Variants in NALCN observed in about 807,000 individuals in gnomAD.
The protein encoded by NALCN is sodium leak channel, non-selective.
In NALCN, 111 loss-of-function variants were observed where a neutral mutation model predicts 225.3. The ratio of observed to expected loss-of-function variants is 0.49; its 90% CI spans 0.42 to 0.58. The LOEUF is 0.58. Ranked by LOEUF, NALCN falls within the 20% of genes least tolerant of loss-of-function variation. NALCN has a pLI of 0.00. For synonymous variants in NALCN, 764 were observed against 769.0 expected, an observed-to-expected ratio of 0.99 and a Z score of 0.11; for missense variants, 1,378 against 2,202.4, an observed-to-expected ratio of 0.63 and a Z score of 7.49.
intron 30 of NALCN, among the ~76,000 whole-genome samples, chr13:101,085,872 A>T (rs2033905225): frequency 1.3e-5 from 2 of 152,150 alleles, no homozygotes; most frequent in Non-Finnish European, 2.9e-5. Flanking sequence ...TTACATCAAT[A>T]CAATCAATAC....
chr13:101,141,755 A>C (rs2037089424), intron 17 of NALCN, among the ~76,000 whole-genome samples: 1 of 152,154 alleles, frequency 6.6e-6, no homozygotes, highest in African/African-American at 2.4e-5. Context: ...GAAGGGAAAG[A>C]AAGCGGAGAG....
At chr13:101,134,527 CATA>C (rs1035175338) in intron 17 of NALCN, among the ~76,000 whole-genome samples, 4 of 152,154 alleles carry the variant, frequency 2.6e-5, no homozygotes, top group African/African-American at 7.2e-5. Flanking sequence ...GAATTAATTT[CATA>C]ATATTAAAGT....
Position 101,378,553 on chromosome 13 carries a change from A to G in NALCN, c.375+17T>C, listed in dbSNP as rs760148304. 4 of 1,581,770 alleles carry G rather than the reference A, an allele frequency of 2.5e-6. No individual in the cohort carries two copies. In the African/African-American group the frequency reaches 4.1e-5, roughly 16 times the overall value. Reference sequence around the variant, plus strand: ...TTTGGAGAATACCTGCTTGTAATTTAAAAAATATTTAATTACCTGTAGCAC... The same window carrying G: ...TTTGGAGAATACCTGCTTGTAATTTGAAAAATATTTAATTACCTGTAGCAC... On this transcript the variant is annotated intron_variant, in intron 4 of 43. Transcript: ENST00000251127.
intron 7 of NALCN, among the ~76,000 whole-genome samples, chr13:101,300,080 A>G (rs1055270117): frequency 6.6e-6 from 1 of 152,138 alleles, no homozygotes; most frequent in Non-Finnish European, 1.5e-5. Flanking sequence ...TGGACTCAAC[A>G]TAATGAACAT....
At chr13:101,375,316 G>A (rs556477514) in intron 6 of NALCN, among the ~76,000 whole-genome samples, 2 of 152,206 alleles carry the variant, frequency 1.3e-5, no homozygotes, top group Admixed American at 6.5e-5. Flanking sequence ...AGTATGTCCT[G>A]TTATTAATCT....
intron 7 of NALCN, among the ~76,000 whole-genome samples, chr13:101,300,413 T>TCC: frequency 6.7e-6 from 1 of 150,054 alleles, no homozygotes; most frequent in African/African-American, 2.5e-5. Context: ...CTTCCTTCCT[T>TCC]TCTTTCTCTT....
At chr13:101,127,966 A>G (rs1480166470) in intron 17 of NALCN, among the ~76,000 whole-genome samples, 2 of 152,306 alleles carry the variant, frequency 1.3e-5, no homozygotes, top group African/African-American at 4.8e-5. Flanking sequence ...TCTAGAAGAT[A>G]CTGACAATCA....
At chr13:101,126,636 G>A (rs552814752) in intron 17 of NALCN, among the ~76,000 whole-genome samples, 10 of 152,144 alleles carry the variant, frequency 6.6e-5, no homozygotes, top group Non-Finnish European at 1.2e-4. Flanking sequence ...GGGACTACAG[G>A]TGCCCGCCAC....
chr13:101,354,560 A>G (rs2045995513), intron 6 of NALCN, among the ~76,000 whole-genome samples: 3 of 152,202 alleles, frequency 2.0e-5, no homozygotes, highest in Admixed American at 2.0e-4. Flanking sequence ...GCCAGTTGAC[A>G]TAATGGAAAG....
At chr13:101,397,113 TACACATAC>T (rs1331518428) in intron 2 of NALCN, among the ~76,000 whole-genome samples, 1 of 112,942 alleles carries the variant, frequency 8.9e-6, no homozygotes. Context: ...TATATATACA[TACACATAC>T]ATATATATAA....
At chr13:101,247,597 AC>A (rs1196147155) in intron 11 of NALCN, among the ~76,000 whole-genome samples, 3 of 152,216 alleles carry the variant, frequency 2.0e-5, no homozygotes, top group African/African-American at 7.2e-5. Flanking sequence ...ATTTTGTCAA[AC>A]TTTTTTTTCA....
chr13:101,111,629 G>C (rs969078902), intron 18 of NALCN, among the ~76,000 whole-genome samples: 5 of 152,130 alleles, frequency 3.3e-5, no homozygotes, highest in Admixed American at 6.6e-5. Context: ...GGACCCGGTG[G>C]GAGGTAATTG....
intron 10 of NALCN, among the ~76,000 whole-genome samples, chr13:101,266,798 C>T (rs1408317478): frequency 6.6e-6 from 1 of 152,128 alleles, no homozygotes; most frequent in African/African-American, 2.4e-5. Context: ...AATAAATCTC[C>T]CATTTGCAAG....
chr13:101,112,906 C>A (rs901756910), intron 18 of NALCN, among the ~76,000 whole-genome samples: 1 of 151,850 alleles, frequency 6.6e-6, no homozygotes, highest in Non-Finnish European at 1.5e-5. Flanking sequence ...ACATATATTA[C>A]AGAAGAACTT....
intron 12 of NALCN, among the ~76,000 whole-genome samples, chr13:101,232,637 G>A (rs916864095): frequency 2.6e-5 from 4 of 151,680 alleles, no homozygotes; most frequent in Admixed American, 6.6e-5. Flanking sequence ...TAGTAGAGAC[G>A]GGGTTTCACC....
At chr13:101,372,071 C>A (rs369114476) in intron 6 of NALCN, among the ~76,000 whole-genome samples, 1 of 151,900 alleles carries the variant, frequency 6.6e-6, no homozygotes, top group Admixed American at 6.6e-5. Context: ...TGTTCTTGAC[C>A]CATCATATAC....
chr13:101,304,389 A>G (rs1005750848), intron 7 of NALCN, among the ~76,000 whole-genome samples: 2 of 152,082 alleles, frequency 1.3e-5, no homozygotes, highest in African/African-American at 4.8e-5. Context: ...TTTAAGCCCC[A>G]CATGCACTAG....
chr13:101,214,876 G>T (rs562414730), intron 13 of NALCN, among the ~76,000 whole-genome samples: 5 of 152,210 alleles, frequency 3.3e-5, no homozygotes, highest in Admixed American at 3.3e-4. Context: ...GGATGACAAG[G>T]GAGCCTGTGC....
chr13:101,118,760 T>C (rs1240844372), intron 18 of NALCN, among the ~76,000 whole-genome samples: 2 of 152,144 alleles, frequency 1.3e-5, no homozygotes, highest in Admixed American at 1.3e-4. Context: ...AAGAAAAAAA[T>C]TGCTGCTATC....
Sources: allele counts gnomAD v4.1 joint callset (sites outside exome capture counted in the v4.1 genomes callset), GRCh38; gene constraint gnomAD v4.1.1; transcripts MANE v1.5; gene names NCBI Gene and HGNC (gene_info 2026-07-23, HGNC 2026-07-21).